The following WDR43 variants were observed in gnomAD, a reference collection of about 807,000 sequenced individuals.
The protein encoded by WDR43 is WD repeat domain 43.
WDR43 carries 13 observed loss-of-function variants against 91.4 expected under a neutral mutation model. That is an observed-to-expected ratio of 0.14 (90% confidence interval 0.09 to 0.23). The LOEUF (loss-of-function observed/expected upper bound fraction) is 0.23, where lower values mean the gene tolerates loss of function less well. Ranked by LOEUF, WDR43 falls within the 10% of genes least tolerant of loss-of-function variation. The pLI, the probability that WDR43 is intolerant of heterozygous loss-of-function variation, is 1.00. For synonymous variants in WDR43, 331 were observed against 287.9 expected, an observed-to-expected ratio of 1.15 and a Z score of -1.51; for missense variants, 780 against 809.4, an observed-to-expected ratio of 0.96 and a Z score of 0.44.
chr2:28,903,288 T>C lies in WDR43; in HGVS notation c.363+1164T>C, dbSNP rs371506085. The stretch of plus-strand genomic sequence containing the variant: ...TTGTTGTAAAACAATTTCTTTTTCT[T>C]ACATGGATTCACAGAATTACTAACC... On this transcript the variant is annotated intron_variant, in intron 2 of 17. Coordinates refer to ENST00000407426, the MANE Select transcript of WDR43 (RefSeq NM_015131.3). 5.7e-4 allele frequency among the ~76,000 whole-genome samples: 87 copies of C among 152,312 alleles called. No homozygotes were observed. The South Asian group carries it at 0.018, about 32-fold the overall frequency.
chr2:28,906,559 G>A lies in WDR43; in HGVS notation c.463G>A (p.Val155Ile), dbSNP rs768674240. The A allele has an allele frequency of 1.0e-4, 167 of 1,611,318 alleles. No individual in the cohort carries two copies. Among genetic ancestry groups the A allele is most frequent in the Middle Eastern group, 3.3e-4 (2 of 6,074 alleles). Residue 155 changes from valine (V) to isoleucine (I), a missense_variant, in exon 3 of 18, where the codon GTA becomes ATA. By Grantham distance (29) the Val-to-Ile change is conservative. This residue lies in a region of WDR43 where 174 missense variants were observed against 207.3 expected (regional missense o/e 0.84). Coordinates refer to ENST00000407426, the MANE Select transcript of WDR43 (RefSeq NM_015131.3). The part of the protein sequence containing the change: ...SDDKHIVEWN[V>I]QTCKVKCKWK... The stretch of plus-strand genomic sequence containing the variant: ...TGATAAACATATTGTGGAATGGAAC[G>A]TACAGACATGCAAAGTAAAGTGGTG...
At chr2:28,941,683 T>C (rs1481268374) in intron 15 of WDR43, 109 bp downstream of exon 15, 7 of 797,012 alleles carry the variant, frequency 8.8e-6, no homozygotes, top group African/African-American at 1.7e-5. Flanking sequence ...CAGGCTGCAC[T>C]GCGGTAGCAT....
chr2:28,915,496 A>G (rs1009402709), intron 5 of WDR43, among the ~76,000 whole-genome samples: 15 of 152,242 alleles, frequency 9.9e-5, no homozygotes, highest in African/African-American at 3.6e-4. Context: ...TAAATAAAAT[A>G]AAAGTTGCTT....
chr2:28,937,532 A>G (rs1303052876), intron 13 of WDR43, among the ~76,000 whole-genome samples: 1 of 151,688 alleles, frequency 6.6e-6, no homozygotes, highest in Non-Finnish European at 1.5e-5. Flanking sequence ...TTGCCTTTTA[A>G]TGTTAATGGA....
chr2:28,942,227 G>T (rs974127824), intron 15 of WDR43, 85 bp from the exon 16 acceptor site: 1 of 1,326,136 alleles, frequency 7.5e-7, no homozygotes, highest in African/African-American at 1.4e-5. Context: ...GCAGCAAGCA[G>T]TGGGGAAGGT....
intron 15 of WDR43, 34 bp from the exon 16 acceptor site, chr2:28,942,278 C>T: frequency 1.2e-6 from 2 of 1,603,786 alleles, no homozygotes; most frequent in Non-Finnish European, 1.7e-6. Context: ...TATGTTTACA[C>T]TCTACTTCAG....
intron 11 of WDR43, among the ~76,000 whole-genome samples, chr2:28,934,321 A>T (rs1671300448): frequency 6.6e-6 from 1 of 152,210 alleles, no homozygotes; most frequent in African/African-American, 2.4e-5. Context: ...CCCGAGGGTG[A>T]TACAGTGTTT....
chr2:28,902,068 G>T lies in WDR43; in HGVS notation c.307G>T (p.Val103Phe). The change falls in exon 2 of 18, where the codon GTT becomes TTT. Residue 103 changes from valine to phenylalanine, a missense_variant. This residue lies in a region of WDR43 where 174 missense variants were observed against 207.3 expected (regional missense o/e 0.84). Transcript: ENST00000407426. ...QTDLLALGTA[V>F]GSILLYSTVK... ...TGACTTATTGGCTCTTGGCACAGCA[G>T]TTGGTAGCATTTTATTATACAGCAC... is the stretch of plus-strand genomic sequence containing the variant. The T allele has an allele frequency of 6.2e-7, 1 of 1,610,636 alleles. No homozygotes were observed. Among genetic ancestry groups the T allele is most frequent in the African/African-American group, 1.3e-5 (1 of 74,812 alleles).
At chr2:28,941,388 A>G in intron 14 of WDR43, 73 bp from the exon 15 acceptor site, 1 of 1,172,244 alleles carries the variant, frequency 8.5e-7, no homozygotes, top group South Asian at 1.4e-5. Flanking sequence ...ATACTGAGGC[A>G]TAGCTGAGCA....
chr2:28,914,914 C>T (rs994736261), intron 5 of WDR43, among the ~76,000 whole-genome samples: 17 of 151,894 alleles, frequency 1.1e-4, no homozygotes, highest in East Asian at 1.9e-4. Flanking sequence ...GGCGACAGAG[C>T]GAAACTCCAT....
At chr2:28,909,643 T>G (rs1572584025) in intron 3 of WDR43, among the ~76,000 whole-genome samples, 1 of 151,892 alleles carries the variant, frequency 6.6e-6, no homozygotes, top group African/African-American at 2.4e-5. Flanking sequence ...AAGGCTGAGG[T>G]GGAAGGATTG....
chr2:28,912,544 T>C, intron 3 of WDR43, 46 bp from the exon 4 acceptor site: 1 of 1,586,744 alleles, frequency 6.3e-7, no homozygotes, highest in Non-Finnish European at 8.6e-7. Context: ...CTGAGTAAAG[T>C]TTTCTCTCAT....
chr2:28,930,959 C>T (rs1049521963), intron 11 of WDR43, among the ~76,000 whole-genome samples: 1 of 152,046 alleles, frequency 6.6e-6, no homozygotes, highest in African/African-American at 2.4e-5. Context: ...TTAAAACATC[C>T]TTTAAAAAAA....
At chr2:28,911,393 A>C (rs1337361867) in intron 3 of WDR43, among the ~76,000 whole-genome samples, 3 of 150,880 alleles carry the variant, frequency 2.0e-5, no homozygotes, top group African/African-American at 7.3e-5. Context: ...TCCCAGGTTC[A>C]CGCCATTCTC....
At chr2:28,919,921 A>G (rs992575024) in intron 6 of WDR43, among the ~76,000 whole-genome samples, 3 of 151,826 alleles carry the variant, frequency 2.0e-5, no homozygotes, top group Non-Finnish European at 2.9e-5. Context: ...GCTCACTGCA[A>G]CTTCTGTCCC....
chr2:28,941,874 C>A (rs894135862), intron 15 of WDR43, among the ~76,000 whole-genome samples: 1 of 152,086 alleles, frequency 6.6e-6, no homozygotes, highest in African/African-American at 2.4e-5. Flanking sequence ...GAATTACAGG[C>A]GTGACCCACC....
At chr2:28,896,672 T>A (rs1670486532) in intron 1 of WDR43, among the ~76,000 whole-genome samples, 2 of 152,248 alleles carry the variant, frequency 1.3e-5, no homozygotes. Context: ...CTGTTGAGTT[T>A]CAGTTGCATT....
At chr2:28,928,675 T>C (rs532708328) in intron 10 of WDR43, among the ~76,000 whole-genome samples, 1 of 152,216 alleles carries the variant, frequency 6.6e-6, no homozygotes, top group Non-Finnish European at 1.5e-5. Flanking sequence ...TTTGTTGTTG[T>C]TTTTGTTTGT....
chr2:28,928,886 G>C (rs988669735), intron 10 of WDR43, among the ~76,000 whole-genome samples: 3 of 151,960 alleles, frequency 2.0e-5, no homozygotes, highest in African/African-American at 7.3e-5. Context: ...TGTTGCCCAG[G>C]CTGGTCTCGA....
Sources: gnomAD v4.1 joint callset for allele counts (sites outside exome capture counted in the v4.1 genomes callset) on GRCh38, gnomAD v4.1.1 for gene constraint, gnomAD v4.1.1 regional missense constraint, MANE v1.5 for transcripts, NCBI Gene and HGNC (gene_info 2026-07-23, HGNC 2026-07-21) for gene names.